Variants in HTR4 observed in about 807,000 individuals in gnomAD.
HTR4 encodes 5-hydroxytryptamine (serotonin) receptor 4, G protein-coupled.
A neutral mutation model predicts 36.8 loss-of-function variants in HTR4; 16 were observed. The observed-to-expected ratio is 0.43, with a 90% CI of 0.29 to 0.66. The LOEUF is 0.66. Ranked by LOEUF, HTR4 falls within the 30% of genes least tolerant of loss-of-function variation. The pLI is 0.13. For missense variants in HTR4, 438 were observed against 490.9 expected, an observed-to-expected ratio of 0.89 and a Z score of 1.02; for synonymous variants, 189 against 185.1, an observed-to-expected ratio of 1.02 and a Z score of -0.17.
chr5:148,526,232 G>C (rs1758270588), intron 4 of HTR4, among the ~76,000 whole-genome samples: 1 of 152,146 alleles, frequency 6.6e-6, no homozygotes, highest in Admixed American at 6.5e-5. Context: ...ACAATCTCTT[G>C]CTTGCAAGAA....
downstream of HTR4, chr5:148,476,800 C>T (rs1378967238): frequency 4.3e-6 from 7 of 1,609,694 alleles, no homozygotes; most frequent in Non-Finnish European, 5.9e-6. Context: ...AAAAGCATAT[C>T]AAAATGTCAC....
chr5:148,460,701 A>G (rs1171443292), intron 5 of HTR4, among the ~76,000 whole-genome samples: 1 of 152,154 alleles, frequency 6.6e-6, no homozygotes, highest in Non-Finnish European at 1.5e-5. Flanking sequence ...TTTTACATAG[A>G]AAAAGGAAGA....
chr5:148,559,368 CAT>C (rs1027306089), intron 2 of HTR4, among the ~76,000 whole-genome samples: 1 of 152,104 alleles, frequency 6.6e-6, no homozygotes, highest in Non-Finnish European at 1.5e-5. Flanking sequence ...CTGAGTTTAA[CAT>C]ATAGGAGCGA....
intron 2 of HTR4, among the ~76,000 whole-genome samples, chr5:148,551,781 G>A (rs550577257): frequency 6.6e-6 from 1 of 152,130 alleles, no homozygotes; most frequent in African/African-American, 2.4e-5. Context: ...CTCATAATGT[G>A]TTAAGAAAGT....
Position 148,623,917 on chromosome 5 carries a change from G to A in HTR4, c.26+13072C>T, listed in dbSNP as rs114141146. The stretch of plus-strand genomic sequence containing the variant: ...GAGAAACAGAAAGGTTATTAAAAGG[G>A]CGTTCCCCCTCCCGGATTTTCTTGG... On this transcript the variant is annotated intron_variant, in intron 2 of 6. Transcript: ENST00000377888. Among the ~76,000 whole-genome samples, 1,364 of 152,260 alleles carry A rather than the reference G, an allele frequency of 9.0e-3. 26 individuals are homozygous for A. The highest frequency in any genetic ancestry group is 0.031 in the African/African-American group (1,305 of 41,540).
intron 5 of HTR4, among the ~76,000 whole-genome samples, chr5:148,451,713 A>T (rs1301538231): frequency 6.6e-6 from 1 of 152,180 alleles, no homozygotes; most frequent in African/African-American, 2.4e-5. Context: ...CTGAAATACA[A>T]TGTAACTGTA....
At chr5:148,551,151 T>C (rs1420827667) in intron 2 of HTR4, among the ~76,000 whole-genome samples, 1 of 152,162 alleles carries the variant, frequency 6.6e-6, no homozygotes, top group African/African-American at 2.4e-5. Context: ...TTACTTTGCA[T>C]TCATACAGTT....
intron 4 of HTR4, among the ~76,000 whole-genome samples, chr5:148,538,159 A>G (rs900289588): frequency 1.3e-5 from 2 of 152,164 alleles, no homozygotes; most frequent in Non-Finnish European, 2.9e-5. Context: ...AAGCAGAAAA[A>G]GGCTTTCAAT....
At chr5:148,583,684 A>G (rs4343830) in intron 2 of HTR4, among the ~76,000 whole-genome samples, 79,830 of 151,522 alleles carry the variant, frequency 0.53, 22,046 homozygotes, top group African/African-American at 0.7. Context: ...AAGAAGAAAC[A>G]CAAAAGTGTC....
intron 2 of HTR4, among the ~76,000 whole-genome samples, chr5:148,579,714 C>A (rs1761061752): frequency 6.6e-6 from 1 of 151,966 alleles, no homozygotes; most frequent in African/African-American, 2.4e-5. Flanking sequence ...CTAAAGACCC[C>A]ATTCTCTTGC....
intron 6 of HTR4, among the ~76,000 whole-genome samples, chr5:148,504,512 A>G (rs531961883): frequency 6.6e-6 from 1 of 152,356 alleles, no homozygotes; most frequent in East Asian, 1.9e-4. Flanking sequence ...AGGGAAATTT[A>G]TAGCACTAAA....
chr5:148,631,472 C>T (rs1388848783), intron 2 of HTR4, among the ~76,000 whole-genome samples: 5 of 152,132 alleles, frequency 3.3e-5, no homozygotes, highest in Non-Finnish European at 5.9e-5. Context: ...AGTTCCAAAT[C>T]AATTCCACAT....
intron 2 of HTR4, among the ~76,000 whole-genome samples, chr5:148,566,972 T>C (rs934369906): frequency 6.6e-6 from 1 of 152,152 alleles, no homozygotes; most frequent in African/African-American, 2.4e-5. Flanking sequence ...GTGTTTTTTT[T>C]CAAAATGCAT....
chr5:148,590,320 C>G (rs1162109197), intron 2 of HTR4, among the ~76,000 whole-genome samples: 2 of 29,168 alleles, frequency 6.9e-5, no homozygotes, highest in African/African-American at 2.6e-4. Context: ...TTTTTTGAGA[C>G]AGAGTTTTGC....
chr5:148,622,913 G>T (rs1752966166), intron 2 of HTR4, among the ~76,000 whole-genome samples: 2 of 152,102 alleles, frequency 1.3e-5, no homozygotes, highest in Admixed American at 6.6e-5. Flanking sequence ...AAATATGTAC[G>T]CAAGTACCCC....
chr5:148,511,106 A>G (rs1174830796), intron 5 of HTR4, among the ~76,000 whole-genome samples: 1 of 151,930 alleles, frequency 6.6e-6, no homozygotes, highest in Non-Finnish European at 1.5e-5. Context: ...CTGTGTTGCC[A>G]TTCCTCCTTT....
At chr5:148,475,170 C>T (rs1169626288), downstream of HTR4, among the ~76,000 whole-genome samples, 1 of 152,102 alleles carries the variant, frequency 6.6e-6, no homozygotes, top group Non-Finnish European at 1.5e-5. Flanking sequence ...TAATTGCTAT[C>T]ATAATTTTAT....
chr5:148,550,158 ACAG>A lies in HTR4; in HGVS notation c.128_130del (p.Ala43del), dbSNP rs777359202. 1.2e-6 allele frequency: 2 copies of A among 1,614,114 alleles called. No homozygotes were observed. Among genetic ancestry groups the A allele is most frequent in the South Asian group, 2.2e-5 (2 of 91,074 alleles). On this transcript the variant is annotated inframe_deletion, in exon 3 of 7. Transcript: ENST00000377888. ...TCACCTGAGCTGCCTGTCCCAGCAC[ACAG>A]CCACCATCACCAGCAGGTTCCCCAA... is the stretch of plus-strand genomic sequence containing the variant.
In HTR4 at chr5:148,642,966, A is replaced by T. The variant is rs576986296; in HGVS notation, c.-47-5905T>A. On this transcript the variant is annotated intron_variant, in intron 1 of 6. Coordinates refer to ENST00000377888, the MANE Select transcript of HTR4 (RefSeq NM_000870.7). ...AGGTGAAAATGTGTACAAACGATTT[A>T]AAAAAAAAGAAGCCTTTTCACATGC... is the stretch of plus-strand genomic sequence containing the variant. 1.3e-4 allele frequency among the ~76,000 whole-genome samples: 19 copies of T among 150,032 alleles called. 1 individual carries two copies. The South Asian group carries it at 2.9e-3, about 23-fold the overall frequency.
Sources: allele counts gnomAD v4.1 joint callset (sites outside exome capture counted in the v4.1 genomes callset), GRCh38; gene constraint gnomAD v4.1.1; transcripts MANE v1.5; gene names NCBI Gene and HGNC (gene_info 2026-07-23, HGNC 2026-07-21).